GRIK4: variants seen among roughly 807,000 people sequenced by gnomAD.
GRIK4 encodes the protein glutamate ionotropic receptor kainate type subunit 4.
In GRIK4, 40 loss-of-function variants were observed where a neutral mutation model predicts 104.9. The observed-to-expected ratio is 0.38, with a 90% CI of 0.30 to 0.50. GRIK4 has a LOEUF of 0.50. Among genes scored for constraint, GRIK4 ranks in the 20% least tolerant of loss-of-function variants. The pLI is 0.93. For synonymous variants in GRIK4, 485 were observed against 524.9 expected (o/e 0.92, Z 1.04); for missense variants, 1,047 against 1,308.1 (o/e 0.80, Z 3.08).
At chr11:120,582,543 G>A (rs1313327334) in intron 1 of GRIK4, among the ~76,000 whole-genome samples, 2 of 152,210 alleles carry the variant, frequency 1.3e-5, no homozygotes, top group South Asian at 2.1e-4. Flanking sequence ...TTAGGTTGGT[G>A]CAAAAGTAAT....
intron 8 of GRIK4, chr11:120,859,025 G>C (rs1038649141): frequency 5.3e-5 from 8 of 152,198 alleles, no homozygotes; most frequent in African/African-American, 1.7e-4. Context: ...AAGTTGCATA[G>C]AATTGTGGGA....
chr11:120,807,534 C>T (rs1952740048), intron 4 of GRIK4, among the ~76,000 whole-genome samples: 1 of 152,232 alleles, frequency 6.6e-6, no homozygotes, highest in South Asian at 2.1e-4. Flanking sequence ...GCACCTCCTG[C>T]ACAGGCTTCC....
At chr11:120,866,677 G>A (rs1020122139) in intron 9 of GRIK4, among the ~76,000 whole-genome samples, 2 of 152,110 alleles carry the variant, frequency 1.3e-5, no homozygotes, top group Non-Finnish European at 2.9e-5. Flanking sequence ...CCGGCTCAAG[G>A]CTGTCTCAGG....
At chr11:120,927,393 C>T (rs956557098) in intron 13 of GRIK4, among the ~76,000 whole-genome samples, 1 of 21,638 alleles carries the variant, frequency 4.6e-5, no homozygotes. Flanking sequence ...ATGGCAAAAC[C>T]CCATCTCTAC....
intron 1 of GRIK4, among the ~76,000 whole-genome samples, chr11:120,650,894 C>A (rs993298715): frequency 1.3e-5 from 2 of 152,216 alleles, no homozygotes; most frequent in East Asian, 3.8e-4. Context: ...ATCCTATTAA[C>A]AACCCAGTAA....
rs866517797 is a variant in GRIK4 at position 120,766,764 on chromosome 11, T to A, written c.83-35929T>A. ...GACGACACCCCACCCTGCTTCTGCTTGCCCTCTGTGGGCTGCACCCACTGT... is the reference window on the plus strand; with the variant it reads ...GACGACACCCCACCCTGCTTCTGCTAGCCCTCTGTGGGCTGCACCCACTGT... On this transcript the variant is annotated intron_variant, in intron 3 of 20. Transcript: ENST00000527524. Among the ~76,000 whole-genome samples, 64 of 151,870 alleles carry A rather than the reference T, an allele frequency of 4.2e-4. 1 individual carries two copies. Among genetic ancestry groups the A allele is most frequent in the African/African-American group, 1.5e-3 (64 of 41,402 alleles).
intron 1 of GRIK4, among the ~76,000 whole-genome samples, chr11:120,605,598 TG>T (rs1948950249): frequency 6.6e-6 from 1 of 152,206 alleles, no homozygotes; most frequent in South Asian, 2.1e-4. Flanking sequence ...AAATTCTACA[TG>T]GGTTGTGGTT....
At chr11:120,809,516 C>T (rs1952784342) in intron 4 of GRIK4, among the ~76,000 whole-genome samples, 1 of 152,236 alleles carries the variant, frequency 6.6e-6, no homozygotes, top group Non-Finnish European at 1.5e-5. Flanking sequence ...AATCCCCAGG[C>T]CATAGCCACT....
chr11:120,582,476 G>C (rs773341966), intron 1 of GRIK4, among the ~76,000 whole-genome samples: 13 of 152,016 alleles, frequency 8.6e-5, no homozygotes, highest in Non-Finnish European at 1.6e-4. Context: ...CCCTGCCCTC[G>C]AGTAGGCTTT....
chr11:120,532,380 A>G (rs1370873921), intron 1 of GRIK4, among the ~76,000 whole-genome samples: 2 of 152,092 alleles, frequency 1.3e-5, no homozygotes, highest in African/African-American at 4.8e-5. Flanking sequence ...GCCCTGTGGT[A>G]TTGTCAGGGA....
chr11:120,811,193 CG>C (rs1293851318), intron 4 of GRIK4, among the ~76,000 whole-genome samples: 7 of 152,060 alleles, frequency 4.6e-5, no homozygotes, highest in African/African-American at 1.7e-4. Flanking sequence ...CAGAGTCACT[CG>C]AATTTTACTT....
intron 9 of GRIK4, among the ~76,000 whole-genome samples, chr11:120,865,695 T>C (rs115753292): frequency 0.01 from 1,529 of 151,898 alleles, 25 homozygotes; most frequent in African/African-American, 0.035. Context: ...AAATGTACTC[T>C]CCCTTTTAGA....
chr11:120,692,684 A>T (rs932329884), intron 3 of GRIK4, among the ~76,000 whole-genome samples: 1 of 152,090 alleles, frequency 6.6e-6, no homozygotes, highest in African/African-American at 2.4e-5. Context: ...AACGATGGAG[A>T]CCCGGTGTGC....
At chr11:120,570,613 C>A (rs117296050) in intron 1 of GRIK4, among the ~76,000 whole-genome samples, 1,791 of 152,222 alleles carry the variant, frequency 0.012, 23 homozygotes, top group East Asian at 0.065. Context: ...CACCATCACA[C>A]CTGGCTATTT....
intron 1 of GRIK4, among the ~76,000 whole-genome samples, chr11:120,566,897 T>TG (rs558951489): frequency 4.0e-4 from 60 of 151,232 alleles, no homozygotes; most frequent in African/African-American, 1.3e-3. Flanking sequence ...TTAGTGGAGA[T>TG]GGGGTCTCAC....
At chr11:120,887,786 C>G (rs751994808) in intron 11 of GRIK4, among the ~76,000 whole-genome samples, 2 of 152,204 alleles carry the variant, frequency 1.3e-5, no homozygotes, top group African/African-American at 2.4e-5. Flanking sequence ...TATATGATTA[C>G]AAACGTGATG....
chr11:120,864,857 G>T, intron 9 of GRIK4, among the ~76,000 whole-genome samples: 1 of 152,302 alleles, frequency 6.6e-6, no homozygotes, highest in Middle Eastern at 3.4e-3. Context: ...GGCTGAAAAG[G>T]CCACTGGCCT....
chr11:120,630,661 C>T (rs1949321914), intron 1 of GRIK4, among the ~76,000 whole-genome samples: 1 of 152,238 alleles, frequency 6.6e-6, no homozygotes, highest in Non-Finnish European at 1.5e-5. Context: ...GTCCATAAAT[C>T]CATATTGTTT....
chr11:120,944,201 T>C (rs938746902), intron 14 of GRIK4, among the ~76,000 whole-genome samples: 19 of 131,728 alleles, frequency 1.4e-4, no homozygotes, highest in Admixed American at 1.5e-4. Flanking sequence ...CCTCCCTTCT[T>C]TCTCTCTCTC....
Sources: allele counts gnomAD v4.1 joint callset (sites outside exome capture counted in the v4.1 genomes callset), GRCh38; gene constraint gnomAD v4.1.1; transcripts MANE v1.5; gene names NCBI Gene and HGNC (gene_info 2026-07-23, HGNC 2026-07-21).